SSH2: variants seen among roughly 807,000 people sequenced by gnomAD.
SSH2 encodes the protein protein phosphatase Slingshot homolog 2.
Under a neutral mutation model 135.2 loss-of-function variants are expected in SSH2, and 37 were observed. The ratio of observed to expected loss-of-function variants is 0.27; its 90% CI spans 0.21 to 0.36. The LOEUF (loss-of-function observed/expected upper bound fraction) is 0.36, where lower values mean the gene tolerates loss of function less well. SSH2 is among the 10% of genes least tolerant of loss of function. The pLI is 1.00. For missense variants in SSH2, 1,408 were observed against 1,765.3 expected, an observed-to-expected ratio of 0.80 and a Z score of 3.63; for synonymous variants, 628 against 646.2, an observed-to-expected ratio of 0.97 and a Z score of 0.43.
At chr17:29,765,881 G>A (rs2041431349) in intron 3 of SSH2, among the ~76,000 whole-genome samples, 2 of 151,912 alleles carry the variant, frequency 1.3e-5, no homozygotes, top group South Asian at 2.1e-4. Context: ...TTAGCCAGGC[G>A]TGCTGGTGGG....
intron 2 of SSH2, among the ~76,000 whole-genome samples, chr17:29,836,244 A>G (rs1025429926): frequency 6.6e-6 from 1 of 152,162 alleles, no homozygotes; most frequent in African/African-American, 2.4e-5. Context: ...CCTTAAATAT[A>G]TCACCACGTT....
chr17:29,855,334 T>TC, intron 1 of SSH2, among the ~76,000 whole-genome samples: 1 of 151,942 alleles, frequency 6.6e-6, no homozygotes, highest in East Asian at 1.9e-4. Context: ...AAAACTCTGT[T>TC]CTCTACTAAA....
intron 3 of SSH2, among the ~76,000 whole-genome samples, chr17:29,767,935 A>G (rs1266086766): frequency 6.6e-6 from 1 of 152,190 alleles, no homozygotes; most frequent in Non-Finnish European, 1.5e-5. Context: ...ATGTGAATAT[A>G]CTTGTTGGAT....
intron 11 of SSH2, among the ~76,000 whole-genome samples, chr17:29,662,840 C>A (rs931381969): frequency 1.3e-5 from 2 of 152,134 alleles, no homozygotes; most frequent in African/African-American, 4.8e-5. Flanking sequence ...CTTGTAATGT[C>A]AAATCTTGAA....
At position 29,677,737 on chromosome 17, in the gene SSH2, T is replaced by C; in HGVS notation, c.484A>G (p.Thr162Ala). 4 of 1,613,560 alleles carry C rather than the reference T, an allele frequency of 2.5e-6. No individual in the cohort carries two copies. Among genetic ancestry groups the C allele is most frequent in the East Asian group, 4.5e-5 (2 of 44,876 alleles). Residue 162 changes from threonine to alanine, a missense_variant, in exon 7 of 16, where the codon ACT becomes GCT. Physicochemically the swap from Thr to Ala is moderately conservative, Grantham distance 58. Coordinates refer to ENST00000540801, the MANE Select transcript of SSH2 (RefSeq NM_001282129.2). ...GMDFSSNDSS[T>A]CTMGLVLPLW... ...GGCAAAACTAAGCCCATGGTACAAGTGCTACTGCAAGACAAGAAGTAGTCC... is the reference window on the plus strand; with the variant it reads ...GGCAAAACTAAGCCCATGGTACAAGCGCTACTGCAAGACAAGAAGTAGTCC...
At chr17:29,708,589 C>CAAAAAAAAAAAAAAAAACAAAAAAA (rs2039304868) in intron 3 of SSH2, among the ~76,000 whole-genome samples, 1 of 98,928 alleles carries the variant, frequency 1.0e-5, no homozygotes, top group Non-Finnish European at 2.1e-5. Context: ...AACTCTGCTT[C>CAAAAAAAAAAAAAAAAACAAAAAAA]AAAAAAAAAA....
chr17:29,825,095 A>C (rs993275580), intron 2 of SSH2, among the ~76,000 whole-genome samples: 1 of 152,158 alleles, frequency 6.6e-6, no homozygotes, highest in Non-Finnish European at 1.5e-5. Context: ...TATCCCTTAC[A>C]CTTCCCAGTT....
chr17:29,668,618 C>T (rs563040924), intron 9 of SSH2, among the ~76,000 whole-genome samples: 3 of 151,976 alleles, frequency 2.0e-5, no homozygotes, highest in Non-Finnish European at 2.9e-5. Context: ...AGCTGTAGTC[C>T]CACAGCTACT....
chr17:29,732,340 T>C (rs1342039755), intron 3 of SSH2, among the ~76,000 whole-genome samples: 1 of 152,160 alleles, frequency 6.6e-6, no homozygotes, highest in African/African-American at 2.4e-5. Flanking sequence ...AAGCTTAGGC[T>C]TTACCTTTCA....
Position 29,626,869 on chromosome 17 carries a change from C to T in SSH2, c.*3972G>A, listed in dbSNP as rs541470396. On this transcript the variant is annotated 3_prime_UTR_variant, in exon 16 of 16. Coordinates refer to ENST00000540801, the MANE Select transcript of SSH2 (RefSeq NM_001282129.2). The stretch of plus-strand genomic sequence containing the variant: ...AAGATGCTTTTAAGTTGGATTGATG[C>T]TGAAACAGCTAAAATTTCATCTTAT... 1.3e-5 allele frequency: 2 copies of T among 152,622 alleles called. No individual in the cohort carries two copies. The highest frequency in any genetic ancestry group is 4.1e-4 in the South Asian group (2 of 4,822). The allele number at this position is 152,622 out of a possible 1,614,324, so 9.5% of individuals were successfully genotyped here. A position where few individuals can be genotyped will look rare whatever the true frequency, so the allele number is the denominator to read the frequency against.
intron 2 of SSH2, among the ~76,000 whole-genome samples, chr17:29,820,939 A>G (rs920892625): frequency 6.6e-6 from 1 of 152,100 alleles, no homozygotes; most frequent in African/African-American, 2.4e-5. Context: ...GGGGGAATCA[A>G]CCGTAAGAAC....
At chr17:29,689,755 G>A (rs769522172) in intron 5 of SSH2, among the ~76,000 whole-genome samples, 1 of 151,852 alleles carries the variant, frequency 6.6e-6, no homozygotes, top group Non-Finnish European at 1.5e-5. Context: ...CTATTCCCTC[G>A]GCATCCAATT....
intron 3 of SSH2, among the ~76,000 whole-genome samples, chr17:29,721,188 G>C (rs190381434): frequency 2.0e-5 from 3 of 152,266 alleles, no homozygotes; most frequent in Admixed American, 6.5e-5. Context: ...AAACATTTTA[G>C]TTAGGGTTTA....
At chr17:29,688,551 G>GGGTCCCT (rs1223733991) in intron 5 of SSH2, among the ~76,000 whole-genome samples, 5 of 151,930 alleles carry the variant, frequency 3.3e-5, no homozygotes, top group Non-Finnish European at 5.9e-5. Context: ...TGCAACCTCT[G>GGGTCCCT]CCTCCCGGGG....
intron 1 of SSH2, among the ~76,000 whole-genome samples, chr17:29,872,094 A>G (rs1299861994): frequency 6.6e-6 from 1 of 152,228 alleles, no homozygotes; most frequent in Non-Finnish European, 1.5e-5. Flanking sequence ...TCTATTAGAC[A>G]TTATGATTGC....
At position 29,631,954 on chromosome 17, in the gene SSH2, G is replaced by A; in HGVS notation, c.3240C>T (p.Leu1080=). 6.2e-7 allele frequency: 1 copy of A among 1,614,212 alleles called. No individual in the cohort carries two copies. The highest frequency in any genetic ancestry group is 8.5e-7 in the Non-Finnish European group (1 of 1,180,028). Residue 1080 remains leucine (L), a synonymous_variant, in exon 16 of 16, where the codon CTC becomes CTT. Coordinates refer to ENST00000540801, the MANE Select transcript of SSH2 (RefSeq NM_001282129.2). ...TGTTTAGATTTTCATCCAGTGTGCA[G>A]AGCACAGTGACAGATTTTTCCATGT... ...KVNMEKSVTV[L]CTLDENLNRT...
chr17:29,698,000 T>A, intron 4 of SSH2, among the ~76,000 whole-genome samples: 1 of 152,214 alleles, frequency 6.6e-6, no homozygotes, highest in East Asian at 1.9e-4. Flanking sequence ...AAATGTAATA[T>A]TATTTGGTCA....
intron 3 of SSH2, among the ~76,000 whole-genome samples, chr17:29,729,553 A>G (rs1444316342): frequency 2.0e-5 from 3 of 152,206 alleles, no homozygotes; most frequent in Non-Finnish European, 2.9e-5. Context: ...ACCCAAAGAA[A>G]GGAAATCAGT....
At chr17:29,746,229 C>T (rs2617868) in intron 3 of SSH2, among the ~76,000 whole-genome samples, 67,249 of 151,744 alleles carry the variant, frequency 0.44, 15,264 homozygotes, top group Non-Finnish European at 0.49. Flanking sequence ...GAAACCCCAA[C>T]TTTTCAAACT....
Sources: allele counts gnomAD v4.1 joint callset (sites outside exome capture counted in the v4.1 genomes callset), GRCh38; gene constraint gnomAD v4.1.1; transcripts MANE v1.5; gene names NCBI Gene and HGNC (gene_info 2026-07-23, HGNC 2026-07-21).